Variants in STAG2 observed in about 807,000 individuals in gnomAD.
STAG2 encodes the protein cohesin subunit SA-2.
In STAG2, 14 loss-of-function variants were observed where a neutral mutation model predicts 108.1. The ratio of observed to expected loss-of-function variants is 0.13; its 90% CI spans 0.09 to 0.20. STAG2 has a LOEUF of 0.20. Ranked by LOEUF, STAG2 falls within the 10% of genes least tolerant of loss-of-function variation. The probability of loss-of-function intolerance (pLI) is 1.00; values close to 1 mark genes in which losing one functional copy is unlikely to be tolerated. For synonymous variants in STAG2, 307 were observed against 302.7 expected, an observed-to-expected ratio of 1.01 and a Z score of -0.15; for missense variants, 440 against 940.9, an observed-to-expected ratio of 0.47 and a Z score of 6.96.
At chrX:124,077,267 C>A (rs768626163) in intron 26 of STAG2, among the ~76,000 whole-genome samples, 1 of 105,838 alleles carries the variant, frequency 9.4e-6, no homozygotes, top group Admixed American at 1.0e-4. Context: ...TTTTTTTAAA[C>A]TAAGGTTGTT....
intron 6 of STAG2, 134 bp from the exon 7 acceptor site, chrX:124,042,434 AT>A (rs2057747574): frequency 6.9e-6 from 3 of 435,567 alleles, no homozygotes; most frequent in African/African-American, 2.5e-5. Flanking sequence ...CATGGTAAAG[AT>A]TATTAGATGA....
intron 25 of STAG2, among the ~76,000 whole-genome samples, chrX:124,072,749 G>A (rs756398976): frequency 1.8e-5 from 2 of 109,634 alleles, no homozygotes; most frequent in South Asian, 7.9e-4. Flanking sequence ...TATCCAGGGT[G>A]GAGTGCAGTG....
intron 4 of STAG2, among the ~76,000 whole-genome samples, chrX:124,026,395 A>G (rs2057105936): frequency 9.0e-6 from 1 of 111,469 alleles, no homozygotes; most frequent in Non-Finnish European, 1.9e-5. Context: ...AAAAATTACA[A>G]AGTTAAGTTC....
intron 5 of STAG2, among the ~76,000 whole-genome samples, chrX:124,035,419 T>C (rs1218943209): frequency 8.9e-6 from 1 of 112,018 alleles, no homozygotes; most frequent in East Asian, 2.8e-4. Flanking sequence ...GTTCATTGAA[T>C]ATTTTGCATC....
intron 1 of STAG2, among the ~76,000 whole-genome samples, chrX:124,009,631 T>C (rs1451250740): frequency 9.0e-6 from 1 of 111,444 alleles, no homozygotes; most frequent in Non-Finnish European, 1.9e-5. Flanking sequence ...GCGTTGCTGC[T>C]GGAAGATTGT....
intron 13 of STAG2, among the ~76,000 whole-genome samples, chrX:124,052,426 T>A (rs941419047): frequency 6.2e-5 from 7 of 112,545 alleles, no homozygotes; most frequent in Non-Finnish European, 9.4e-5. Context: ...AGTGGAATCA[T>A]ACAATATTTG....
At chrX:124,095,508 A>C in intron 34 of STAG2, 59 bp downstream of exon 34, 2 of 960,597 alleles carry the variant, frequency 2.1e-6, no homozygotes, top group South Asian at 4.0e-5. Context: ...GCAGTCTCTC[A>C]GTTTGAGGTT....
At chrX:123,978,968 C>T (rs1179319300) in intron 1 of STAG2, among the ~76,000 whole-genome samples, 1 of 111,547 alleles carries the variant, frequency 9.0e-6, no homozygotes, top group Non-Finnish European at 1.9e-5. Flanking sequence ...CCCCAGATAG[C>T]TCAGTAATTC....
At chrX:124,056,007 C>A in intron 13 of STAG2, 121 bp from the exon 14 acceptor site, 6 of 270,869 alleles carry the variant, frequency 2.2e-5, no homozygotes, top group Middle Eastern at 9.4e-4. Flanking sequence ...TTTTTTTTTT[C>A]CTTTAACACA....
chrX:124,057,386 T>C (rs934581508), intron 14 of STAG2, among the ~76,000 whole-genome samples: 3 of 112,350 alleles, frequency 2.7e-5, no homozygotes, highest in Non-Finnish European at 3.8e-5. Flanking sequence ...CATTGCTGTT[T>C]AGTGTTAATT....
chrX:124,086,944 C>G (rs1020928352), intron 30 of STAG2, among the ~76,000 whole-genome samples, 174 bp downstream of exon 30: 37 of 112,557 alleles, frequency 3.3e-4, no homozygotes, highest in African/African-American at 1.1e-3. Flanking sequence ...TCAGTTCTCA[C>G]AACTTTTTGG....
chrX:123,986,918 A>G (rs762509110), intron 1 of STAG2, among the ~76,000 whole-genome samples: 3 of 110,461 alleles, frequency 2.7e-5, no homozygotes, highest in South Asian at 3.9e-4. Flanking sequence ...GGCTCAAGCA[A>G]TCCTCCCACC....
chrX:124,039,137 T>TTTATTATTATTATTATTATTA (rs4028223), intron 6 of STAG2, among the ~76,000 whole-genome samples: 59 of 94,082 alleles, frequency 6.3e-4, no homozygotes, highest in African/African-American at 2.0e-3. Flanking sequence ...TCCCCTTTTA[T>TTTATTATTATTATTATTATTA]TTATTATTAT....
chrX:124,091,606 T>G (rs1045401609), intron 32 of STAG2, among the ~76,000 whole-genome samples: 1 of 111,968 alleles, frequency 8.9e-6, no homozygotes, highest in Non-Finnish European at 1.9e-5. Context: ...CAAGCTCAGG[T>G]GTCACTTTAA....
At chrX:123,991,446 G>A (rs1416981338) in intron 1 of STAG2, among the ~76,000 whole-genome samples, 4 of 109,561 alleles carry the variant, frequency 3.7e-5, no homozygotes, top group Admixed American at 9.8e-5. Context: ...TCCGCCTCCC[G>A]GGTTCAAATG....
chrX:124,030,918 A>C (rs1466119704), intron 4 of STAG2, 43 bp from the exon 5 acceptor site: 1 of 1,149,479 alleles, frequency 8.7e-7, no homozygotes. Flanking sequence ...TTGAACTCTC[A>C]AGGATAGTGA....
chrX:123,990,315 G>T (rs775743058), intron 1 of STAG2, among the ~76,000 whole-genome samples: 1 of 111,654 alleles, frequency 9.0e-6, no homozygotes, highest in South Asian at 3.7e-4. Context: ...ACAAAGTTAC[G>T]CTCCTATGCA....
intron 24 of STAG2, 110 bp from the exon 25 acceptor site, chrX:124,071,039 A>T: frequency 1.8e-6 from 1 of 564,584 alleles, no homozygotes; most frequent in Non-Finnish European, 2.5e-6. Flanking sequence ...AGATTTTTAA[A>T]TATAGAAAGT....
At chrX:124,079,512 T>C (rs1603143613) in intron 27 of STAG2, among the ~76,000 whole-genome samples, 1 of 111,157 alleles carries the variant, frequency 9.0e-6, no homozygotes, top group East Asian at 2.9e-4. Flanking sequence ...CTGGGTGTAG[T>C]GGCTGATGCC....
Sources: allele counts gnomAD v4.1 joint callset (sites outside exome capture counted in the v4.1 genomes callset), GRCh38; gene constraint gnomAD v4.1.1; transcripts MANE v1.5; gene names NCBI Gene and HGNC (gene_info 2026-07-23, HGNC 2026-07-21).